The following WDR11 variants were observed in gnomAD, a reference collection of about 807,000 sequenced individuals.
WDR11 encodes the protein WD repeat domain 11.
A neutral mutation model predicts 151.2 loss-of-function variants in WDR11; 83 were observed. The ratio of observed to expected loss-of-function variants is 0.55; its 90% CI spans 0.46 to 0.66. WDR11 has a LOEUF of 0.66. WDR11 is among the 30% of genes least tolerant of loss of function. The pLI is 0.00. For synonymous variants in WDR11, 484 were observed against 533.1 expected (o/e 0.91, Z 1.27); for missense variants, 1,301 against 1,480.9 (o/e 0.88, Z 1.99).
rs769761432 is a variant in WDR11 at position 120,904,087 on chromosome 10, G to A, written c.2972G>A (p.Arg991Gln). ...LERVNLQEVKRSTYDHTRKCT... is the reference protein window; with the variant it reads ...LERVNLQEVKQSTYDHTRKCT... ...AGGGTTAATCTGCAGGAAGTGAAACGGTCAACTTATGATCATACAAGGAAA... is the reference window on the plus strand; with the variant it reads ...AGGGTTAATCTGCAGGAAGTGAAACAGTCAACTTATGATCATACAAGGAAA... The change falls in exon 24 of 29, where the codon CGG becomes CAG. Residue 991 changes from arginine (R) to glutamine (Q), a missense_variant. Physicochemically the swap from Arg to Gln is conservative, Grantham distance 43. Around this residue, in one of 3 missense-constraint regions of WDR11, gnomAD observed 589 missense variants for 670.6 expected, o/e 0.88. Coordinates refer to ENST00000263461, the MANE Select transcript of WDR11 (RefSeq NM_018117.12). 14 of 1,613,248 alleles carry A rather than the reference G, an allele frequency of 8.7e-6. No homozygotes were observed. The Admixed American group carries it at 1.0e-4, about 12-fold the overall frequency.
chr10:120,880,760 T>C, intron 12 of WDR11, 66 bp from the exon 13 acceptor site: 1 of 1,361,450 alleles, frequency 7.3e-7, no homozygotes, highest in South Asian at 1.2e-5. Flanking sequence ...TACATTGGCG[T>C]GGCTTCTTGT....
chr10:120,892,013 G>T (rs1268954694), intron 19 of WDR11, among the ~76,000 whole-genome samples: 1 of 152,142 alleles, frequency 6.6e-6, no homozygotes, highest in Non-Finnish European at 1.5e-5. Flanking sequence ...TAAACCTAAA[G>T]GTATTGAGGA....
chr10:120,909,289 A>C lies in WDR11; in HGVS notation c.*576A>C, dbSNP rs1045179. Reference sequence around the variant, plus strand: ...AGTTTTGTAATTTTAGGCTCAGAGGACCATAGGAGGTTTTAAGATTTATGT... The same window carrying C: ...AGTTTTGTAATTTTAGGCTCAGAGGCCCATAGGAGGTTTTAAGATTTATGT... On this transcript the variant is annotated 3_prime_UTR_variant, in exon 29 of 29. Transcript: ENST00000263461. 58,444 of 154,356 alleles carry C rather than the reference A, an allele frequency of 0.38. 11,203 individuals are homozygous for C. Among genetic ancestry groups the C allele is most frequent in the African/African-American group, 0.45 (18,635 of 40,986 alleles). 9.6% of individuals were successfully genotyped at this position (154,356 alleles called of 1,614,324 possible).
chr10:120,905,108 T>C (rs1847983162), intron 25 of WDR11, among the ~76,000 whole-genome samples: 1 of 152,202 alleles, frequency 6.6e-6, no homozygotes, highest in Admixed American at 6.5e-5. Context: ...TCCCTACTTA[T>C]TCTCCAGACT....
At chr10:120,862,686 T>A (rs1038425354) in intron 4 of WDR11, 49 bp from the exon 5 acceptor site, 1 of 1,578,258 alleles carries the variant, frequency 6.3e-7, no homozygotes, top group African/African-American at 1.3e-5. Flanking sequence ...TAAAACTGTA[T>A]GCTAAACTTC....
intron 4 of WDR11, 156 bp from the exon 5 acceptor site, chr10:120,862,579 A>G (rs1846179508): frequency 2.6e-6 from 2 of 762,160 alleles, no homozygotes; most frequent in African/African-American, 3.5e-5. Flanking sequence ...GTTTCTCTTC[A>G]ACTTAGAGAA....
chr10:120,903,228 T>A lies in WDR11; in HGVS notation c.2927T>A (p.Phe976Tyr). The A allele has an allele frequency of 6.2e-7, 1 of 1,614,176 alleles. No individual in the cohort carries two copies. Among genetic ancestry groups the A allele is most frequent in the East Asian group, 2.2e-5 (1 of 44,884 alleles). Residue 976 changes from phenylalanine (F) to tyrosine (Y), a missense_variant, in exon 23 of 29, where the codon TTT becomes TAT. Phe to Tyr is a conservative substitution (Grantham distance 22). Transcript: ENST00000263461. ...CYDVLCENAYFQKFQLERVNL... is the reference protein window; with the variant it reads ...CYDVLCENAYYQKFQLERVNL... ...GACGTGCTCTGTGAAAATGCCTACT[T>A]TCAGGTAGTCTGCTTCACACAGCAA...
rs1845816725 is a variant in WDR11, at chr10:120,852,542, T to C, written c.105T>C (p.Ile35=). The C allele has an allele frequency of 6.2e-7, 1 of 1,613,974 alleles. No homozygotes were observed. The highest frequency in any genetic ancestry group is 1.3e-5 in the African/African-American group (1 of 74,936). ...TTGCTAGGGGCTGGCAAGGTTTAAT[T>C]GCTTATGGATGTCATTCACTTGTGG... is the stretch of plus-strand genomic sequence containing the variant. ...AAVDWGWQGL[I]AYGCHSLVVV... is the part of the protein sequence containing the mutation. Residue 35 remains isoleucine (I), a synonymous_variant, in exon 2 of 29, where the codon ATT becomes ATC. Transcript: ENST00000263461.
In WDR11 at chr10:120,865,191, C is replaced by T; in HGVS notation, c.858C>T (p.Arg286=). The T allele has an allele frequency of 1.2e-6, 2 of 1,613,846 alleles. No individual in the cohort carries two copies. The highest frequency in any genetic ancestry group is 1.7e-6 in the Non-Finnish European group (2 of 1,179,814). The change falls in exon 6 of 29, where the codon CGC becomes CGT. Residue 286 remains arginine, a synonymous_variant. Coordinates refer to ENST00000263461, the MANE Select transcript of WDR11 (RefSeq NM_018117.12). ...CGGTGGGTGTGATTGCAATAGAACG[C>T]ACAGGAGTTCCATTTTTACAGGTAT... ...NQTVGVIAIE[R]TGVPFLQVIP... is the part of the protein sequence containing the mutation.
At chr10:120,861,555 C>T (rs781715976) in intron 4 of WDR11, among the ~76,000 whole-genome samples, 19 of 152,352 alleles carry the variant, frequency 1.2e-4, no homozygotes, top group Middle Eastern at 3.4e-3. Context: ...TTTCAGCTAA[C>T]TTGATTGCAT....
rs774365804 is a variant in WDR11 at position 120,871,359 on chromosome 10, C to T, written c.1471+13C>T. 3.1e-6 allele frequency: 5 copies of T among 1,612,046 alleles called. No individual in the cohort carries two copies. Among genetic ancestry groups the T allele is most frequent in the Non-Finnish European group, 4.2e-6 (5 of 1,179,106 alleles). On this transcript the variant is annotated intron_variant, in intron 10 of 28. Transcript: ENST00000263461. ...CTGCTGGCTGTTGGTGAGTATTTGA[C>T]CTGGTCTTTTTTTTTTTAACTCACT...
chr10:120,854,736 T>C (rs1161273977), intron 2 of WDR11, among the ~76,000 whole-genome samples: 1 of 152,230 alleles, frequency 6.6e-6, no homozygotes, highest in Non-Finnish European at 1.5e-5. Flanking sequence ...TGCATTTCCC[T>C]GATGGCTAAA....
chr10:120,904,711 A>G lies in WDR11; in HGVS notation c.3093A>G (p.Ser1031=), dbSNP rs780148280. 6.2e-6 allele frequency: 10 copies of G among 1,614,198 alleles called. No homozygotes were observed. In the South Asian group the frequency reaches 1.1e-4, roughly 18 times the overall value. The change falls in exon 25 of 29, where the codon TCA becomes TCG. Residue 1031 remains serine (S), a synonymous_variant. Transcript: ENST00000263461. ...SADNQHYYCD[S]LKACLVTTVT... is the part of the protein sequence containing the mutation. The stretch of plus-strand genomic sequence containing the variant: ...ATAACCAGCATTATTACTGTGATTC[A>G]CTGAAAGCCTGTTTAGTCACTACTG...
At chr10:120,877,950 A>G (rs945222059) in intron 11 of WDR11, among the ~76,000 whole-genome samples, 21 of 152,304 alleles carry the variant, frequency 1.4e-4, no homozygotes, top group Admixed American at 3.3e-4. Context: ...TGAAGCTTAT[A>G]ATGCAATGGA....
At chr10:120,895,002 A>G (rs1439569459) in intron 19 of WDR11, among the ~76,000 whole-genome samples, 1 of 152,216 alleles carries the variant, frequency 6.6e-6, no homozygotes, top group East Asian at 1.9e-4. Context: ...TTTTGGAGAA[A>G]TAACATATTT....
At chr10:120,859,954 TACACAC>T (rs3217470) in intron 3 of WDR11, among the ~76,000 whole-genome samples, 149 bp from the exon 4 acceptor site, 12 of 150,796 alleles carry the variant, frequency 8.0e-5, no homozygotes, top group Admixed American at 2.0e-4. Context: ...GGAATATTGA[TACACAC>T]ACACACACAC....
intron 19 of WDR11, among the ~76,000 whole-genome samples, chr10:120,899,428 A>T (rs536872964): frequency 2.6e-5 from 4 of 152,304 alleles, no homozygotes; most frequent in African/African-American, 7.2e-5. Context: ...GAATCATTGC[A>T]TTGAATCCTT....
intron 11 of WDR11, among the ~76,000 whole-genome samples, chr10:120,874,274 A>G (rs7080709): frequency 1.4e-5 from 2 of 145,120 alleles, no homozygotes; most frequent in Non-Finnish European, 3.0e-5. Context: ...ACCAACTAAT[A>G]TTGTTGCACC....
In WDR11 at chr10:120,904,580, T is replaced by C. The variant is rs996188972; in HGVS notation, c.3028-66T>C. ...TGTTTTCCTTTAGTTTTCTACCTTATGAATTTTAAAAAGTTATGTTGGAGG... is the reference window on the plus strand; with the variant it reads ...TGTTTTCCTTTAGTTTTCTACCTTACGAATTTTAAAAAGTTATGTTGGAGG... On this transcript the variant is annotated intron_variant, in intron 24 of 28. Coordinates refer to ENST00000263461, the MANE Select transcript of WDR11 (RefSeq NM_018117.12). The C allele has an allele frequency of 2.4e-5, 39 of 1,594,408 alleles. No individual in the cohort carries two copies. In the African/African-American group the frequency reaches 4.8e-4, roughly 20 times the overall value.
Sources: gnomAD v4.1 joint callset for allele counts (sites outside exome capture counted in the v4.1 genomes callset) on GRCh38, gnomAD v4.1.1 for gene constraint, gnomAD v4.1.1 regional missense constraint, MANE v1.5 for transcripts, NCBI Gene and HGNC (gene_info 2026-07-23, HGNC 2026-07-21) for gene names.